Variants in C1GALT1 observed in about 807,000 individuals in gnomAD.
The protein encoded by C1GALT1 is glycoprotein-N-acetylgalactosamine 3-beta-galactosyltransferase 1.
A neutral mutation model predicts 31.0 loss-of-function variants in C1GALT1; 11 were observed. The ratio of observed to expected loss-of-function variants is 0.36; its 90% CI spans 0.22 to 0.59. C1GALT1 has a LOEUF of 0.59. Ranked by LOEUF, C1GALT1 falls within the 20% of genes least tolerant of loss-of-function variation. The pLI is 0.79. For missense variants in C1GALT1, 424 were observed against 425.2 expected, an observed-to-expected ratio of 1.00 and a Z score of 0.03; for synonymous variants, 175 against 143.6, an observed-to-expected ratio of 1.22 and a Z score of -1.56.
intron 2 of C1GALT1, among the ~76,000 whole-genome samples, chr7:7,158,520 T>A (rs957224168): frequency 2.0e-5 from 3 of 151,836 alleles, no homozygotes; most frequent in Non-Finnish European, 4.4e-5. Flanking sequence ...ATAACATAGC[T>A]ATTGTAAACA....
chr7:7,165,756 A>G (rs1317469911), intron 2 of C1GALT1, among the ~76,000 whole-genome samples: 2 of 152,196 alleles, frequency 1.3e-5, no homozygotes, highest in Admixed American at 1.3e-4. Context: ...AAAATCTGAA[A>G]TGGTCTAAAA....
intron 3 of C1GALT1, among the ~76,000 whole-genome samples, chr7:7,242,442 T>A (rs1480594424): frequency 6.6e-6 from 1 of 152,068 alleles, no homozygotes; most frequent in Non-Finnish European, 1.5e-5. Context: ...AGTGGACAGT[T>A]TGATAATTTT....
intron 1 of C1GALT1, among the ~76,000 whole-genome samples, chr7:7,225,578 G>A (rs1782721793): frequency 1.3e-5 from 2 of 152,136 alleles, no homozygotes; most frequent in African/African-American, 2.4e-5. Flanking sequence ...TTGTTGAAAA[G>A]CATATGGAAA....
At chr7:7,231,175 G>C (rs1783056087) in intron 1 of C1GALT1, among the ~76,000 whole-genome samples, 1 of 152,136 alleles carries the variant, frequency 6.6e-6, no homozygotes, top group Non-Finnish European at 1.5e-5. Flanking sequence ...TTTAAAAATA[G>C]TTCACTGCAG....
At chr7:7,239,924 G>A (rs1783546561) in intron 3 of C1GALT1, among the ~76,000 whole-genome samples, 11 of 152,138 alleles carry the variant, frequency 7.2e-5, no homozygotes, top group Admixed American at 7.2e-4. Flanking sequence ...TATAAGCATT[G>A]CTTCAGTGAA....
intron 1 of C1GALT1, among the ~76,000 whole-genome samples, chr7:7,214,151 ACTT>A (rs1232298903): frequency 6.6e-6 from 1 of 152,192 alleles, no homozygotes; most frequent in Non-Finnish European, 1.5e-5. Flanking sequence ...TACCCCCCAA[ACTT>A]AAAACACAGT....
At chr7:7,240,260 A>C (rs1220562458) in intron 3 of C1GALT1, among the ~76,000 whole-genome samples, 1 of 152,166 alleles carries the variant, frequency 6.6e-6, no homozygotes, top group African/African-American at 2.4e-5. Context: ...CTAAATGCTA[A>C]ACATCCTAAA....
intron 2 of C1GALT1, among the ~76,000 whole-genome samples, chr7:7,236,608 G>A (rs1482097915): frequency 6.6e-6 from 1 of 151,286 alleles, no homozygotes; most frequent in Non-Finnish European, 1.5e-5. Context: ...TGCAACCTCC[G>A]CCTCCCGGGT....
At chr7:7,230,726 G>A (rs1341121032) in intron 1 of C1GALT1, among the ~76,000 whole-genome samples, 2 of 144,670 alleles carry the variant, frequency 1.4e-5, no homozygotes. Context: ...TTTGTTTAAA[G>A]ATTATATTAG....
chr7:7,242,259 C>A (rs1347712191), intron 3 of C1GALT1, among the ~76,000 whole-genome samples: 1 of 145,714 alleles, frequency 6.9e-6, no homozygotes. Context: ...ATATGGCTTA[C>A]ATATCTGTTG....
chr7:7,168,168 T>C (rs977997331), intron 2 of C1GALT1, among the ~76,000 whole-genome samples: 2 of 152,176 alleles, frequency 1.3e-5, no homozygotes, highest in Non-Finnish European at 2.9e-5. Flanking sequence ...TAATGGGATA[T>C]AGAAGTCAGG....
chr7:7,159,744 A>G (rs928345116), intron 2 of C1GALT1, among the ~76,000 whole-genome samples: 16 of 152,200 alleles, frequency 1.1e-4, no homozygotes, highest in African/African-American at 3.6e-4. Context: ...AGTTAAAAAA[A>G]TTCTCTGTCT....
At position 7,228,744 on chromosome 7, in the gene C1GALT1, A is replaced by G. The variant is rs76373211; in HGVS notation, c.-17-5559A>G. ...TGATACTCTGGGGGAGAAGAGTAAG[A>G]GAGTATGACAGGCATCAGACAGCAT... On this transcript the variant is annotated intron_variant, in intron 1 of 3. Coordinates refer to ENST00000436587, the MANE Select transcript of C1GALT1 (RefSeq NM_020156.5). 6.7e-3 allele frequency among the ~76,000 whole-genome samples: 1,027 copies of G among 152,360 alleles called. 10 individuals are homozygous for G. Among genetic ancestry groups the G allele is most frequent in the African/African-American group, 0.024 (983 of 41,574 alleles).
At chr7:7,161,932 C>A (rs1780337468) in intron 2 of C1GALT1, among the ~76,000 whole-genome samples, 1 of 151,956 alleles carries the variant, frequency 6.6e-6, no homozygotes. Context: ...GAAAGTACTT[C>A]AAAATTCTAC....
chr7:7,192,767 A>G (rs1451211933), intron 1 of C1GALT1, among the ~76,000 whole-genome samples: 1 of 152,182 alleles, frequency 6.6e-6, no homozygotes, highest in African/African-American at 2.4e-5. Context: ...TTACATTCCC[A>G]GCAGCAGTGT....
chr7:7,229,786 C>A (rs1202846424), intron 1 of C1GALT1, among the ~76,000 whole-genome samples: 1 of 151,996 alleles, frequency 6.6e-6, no homozygotes, highest in Non-Finnish European at 1.5e-5. Flanking sequence ...AATTTGAGAC[C>A]CCCTCATCAG....
At chr7:7,242,305 T>C (rs1371982136) in intron 3 of C1GALT1, among the ~76,000 whole-genome samples, 1 of 151,768 alleles carries the variant, frequency 6.6e-6, no homozygotes, top group African/African-American at 2.4e-5. Flanking sequence ...AGTTGACTTA[T>C]CTGGTTATTT....
At chr7:7,169,390 G>C (rs1020603685) in intron 2 of C1GALT1, among the ~76,000 whole-genome samples, 1 of 152,112 alleles carries the variant, frequency 6.6e-6, no homozygotes, top group South Asian at 2.1e-4. Context: ...AAACTGCTGG[G>C]TTGTATGGTC....
At chr7:7,184,091 A>G (rs1169496988) in intron 1 of C1GALT1, among the ~76,000 whole-genome samples, 1 of 152,194 alleles carries the variant, frequency 6.6e-6, no homozygotes, top group Non-Finnish European at 1.5e-5. Flanking sequence ...ATGGCAGTTG[A>G]GCTTAATGCC....
Sources: allele counts gnomAD v4.1 joint callset (sites outside exome capture counted in the v4.1 genomes callset), GRCh38; gene constraint gnomAD v4.1.1; transcripts MANE v1.5; gene names NCBI Gene and HGNC (gene_info 2026-07-23, HGNC 2026-07-21).